FMN2: variants seen among roughly 807,000 people sequenced by gnomAD.
FMN2 encodes the protein formin 2.
Under a neutral mutation model 142.3 loss-of-function variants are expected in FMN2, and 51 were observed. The ratio of observed to expected loss-of-function variants is 0.36; its 90% confidence interval spans 0.29 to 0.45. FMN2 has a LOEUF of 0.45. Among genes scored for constraint, FMN2 ranks in the 20% least tolerant of loss-of-function variants. The pLI is 1.00. For synonymous variants in FMN2, 882 were observed against 869.8 expected (o/e 1.01, Z -0.25); for missense variants, 1,936 against 2,122.8 (o/e 0.91, Z 1.73).
intron 16 of FMN2, among the ~76,000 whole-genome samples, chr1:240,451,449 C>T (rs1029563023): frequency 4.6e-5 from 7 of 151,956 alleles, no homozygotes; most frequent in South Asian, 2.1e-4. Flanking sequence ...ATAGAACCAG[C>T]GTCATTAGGT....
At chr1:240,192,559 G>A (rs761702299) in intron 4 of FMN2, among the ~76,000 whole-genome samples, 14 of 152,080 alleles carry the variant, frequency 9.2e-5, no homozygotes, top group South Asian at 4.1e-4. Context: ...AAAATAAGGC[G>A]GAGTAAGAAA....
intron 4 of FMN2, among the ~76,000 whole-genome samples, chr1:240,197,189 C>T (rs1243900181): frequency 6.6e-6 from 1 of 152,152 alleles, no homozygotes; most frequent in Non-Finnish European, 1.5e-5. Flanking sequence ...ATCGCACCTA[C>T]ATCATGAAAC....
At chr1:240,351,160 T>C (rs930081460) in intron 13 of FMN2, among the ~76,000 whole-genome samples, 2 of 152,220 alleles carry the variant, frequency 1.3e-5, no homozygotes, top group Non-Finnish European at 2.9e-5. Flanking sequence ...AAAACATCTT[T>C]TTACTTTGTA....
chr1:240,308,994 G>A (rs1670507011), intron 8 of FMN2, among the ~76,000 whole-genome samples: 4 of 152,144 alleles, frequency 2.6e-5, no homozygotes, highest in African/African-American at 9.7e-5. Flanking sequence ...AGACACAGGG[G>A]TCTAGTAGTC....
chr1:240,101,807 G>A (rs1424869915), intron 1 of FMN2, among the ~76,000 whole-genome samples: 5 of 150,466 alleles, frequency 3.3e-5, no homozygotes, highest in African/African-American at 9.8e-5. Context: ...TAATGATTAT[G>A]TATGATGGTT....
intron 6 of FMN2, among the ~76,000 whole-genome samples, chr1:240,234,927 TC>T (rs1387909544): frequency 2.6e-5 from 4 of 152,300 alleles, no homozygotes; most frequent in Admixed American, 2.0e-4. Flanking sequence ...AATGAGTACA[TC>T]CCTCTTAACT....
intron 16 of FMN2, among the ~76,000 whole-genome samples, chr1:240,465,384 G>GCC (rs1553268384): frequency 1.7e-4 from 22 of 129,024 alleles, no homozygotes; most frequent in Middle Eastern, 3.7e-3. Context: ...GTGTGTGTGT[G>GCC]TGTCTGTCTT....
chr1:240,223,914 A>C (rs1227442989), intron 6 of FMN2, among the ~76,000 whole-genome samples: 1 of 151,730 alleles, frequency 6.6e-6, no homozygotes, highest in Admixed American at 6.6e-5. Flanking sequence ...TATTTTGTTA[A>C]TCTTTTAAAA....
At chr1:240,469,734 A>G (rs1676748657) in intron 16 of FMN2, among the ~76,000 whole-genome samples, 1 of 152,186 alleles carries the variant, frequency 6.6e-6, no homozygotes, top group African/African-American at 2.4e-5. Flanking sequence ...CTCCTCCAGG[A>G]CACAGTTGTA....
chr1:240,468,010 G>A (rs1676676660), intron 16 of FMN2, among the ~76,000 whole-genome samples: 1 of 151,954 alleles, frequency 6.6e-6, no homozygotes, highest in Non-Finnish European at 1.5e-5. Context: ...TTATCATATG[G>A]TTTGGTTTTG....
chr1:240,474,725 C>G lies in FMN2; in HGVS notation c.*571C>G, dbSNP rs1228490084. 1 of 151,202 alleles carries G rather than the reference C, an allele frequency of 6.6e-6. No homozygotes were observed. The highest frequency in any genetic ancestry group is 6.7e-5 in the Admixed American group (1 of 15,022). 9.4% of individuals were successfully genotyped at this position (151,202 alleles called of 1,614,324 possible). On this transcript the variant is annotated 3_prime_UTR_variant, in exon 18 of 18. Coordinates refer to ENST00000319653, the MANE Select transcript of FMN2 (RefSeq NM_020066.5). ...TGAAAGAAAATGGTCATTTTTTTTA[C>G]TGAAGTCATATAATGACTTGGGTCA...
intron 4 of FMN2, among the ~76,000 whole-genome samples, chr1:240,192,409 A>G (rs1045318147): frequency 6.6e-5 from 10 of 152,220 alleles, no homozygotes; most frequent in Admixed American, 2.6e-4. Context: ...TTGGGGTAGA[A>G]TGTCTTAGAC....
intron 15 of FMN2, among the ~76,000 whole-genome samples, chr1:240,406,353 TGGGGGGA>T (rs1674199006): frequency 2.1e-5 from 1 of 46,976 alleles, no homozygotes; most frequent in Non-Finnish European, 4.8e-5. Flanking sequence ...GCCTCGGGAG[TGGGGGGA>T]GCGAAGGGAA....
At chr1:240,417,966 T>C (rs1674633281) in intron 15 of FMN2, among the ~76,000 whole-genome samples, 1 of 152,062 alleles carries the variant, frequency 6.6e-6, no homozygotes, top group South Asian at 2.1e-4. Flanking sequence ...TGTCCTTTTT[T>C]ATTGTCATTA....
intron 16 of FMN2, among the ~76,000 whole-genome samples, chr1:240,463,532 G>A (rs1174512170): frequency 6.6e-6 from 1 of 152,162 alleles, no homozygotes; most frequent in Non-Finnish European, 1.5e-5. Context: ...GAATTACAAA[G>A]TGGAAAATTC....
chr1:240,220,333 G>A (rs1667056323), intron 6 of FMN2, among the ~76,000 whole-genome samples: 1 of 152,128 alleles, frequency 6.6e-6, no homozygotes. Flanking sequence ...TGGCCAAGAA[G>A]ACCATAGTTC....
chr1:240,149,377 CAT>C (rs1159706488), intron 2 of FMN2, among the ~76,000 whole-genome samples: 1 of 152,192 alleles, frequency 6.6e-6, no homozygotes, highest in African/African-American at 2.4e-5. Context: ...AGGTGCACCT[CAT>C]ATGTGTGCAT....
At chr1:240,294,468 T>A (rs1669899339) in intron 7 of FMN2, among the ~76,000 whole-genome samples, 2 of 152,258 alleles carry the variant, frequency 1.3e-5, no homozygotes, top group African/African-American at 4.8e-5. Context: ...TTTATTGATA[T>A]AAAACTGGGA....
chr1:240,105,924 T>C (rs1661590795), intron 1 of FMN2, among the ~76,000 whole-genome samples: 1 of 151,234 alleles, frequency 6.6e-6, no homozygotes, highest in East Asian at 2.0e-4. Flanking sequence ...CTTTTGGAAT[T>C]ATTGTGGCTT....
Sources: gnomAD v4.1 joint callset for allele counts (sites outside exome capture counted in the v4.1 genomes callset) on GRCh38, gnomAD v4.1.1 for gene constraint, MANE v1.5 for transcripts, NCBI Gene and HGNC (gene_info 2026-07-23, HGNC 2026-07-21) for gene names.